WDTC1: variants seen among roughly 807,000 people sequenced by gnomAD.
WDTC1 encodes WD and tetratricopeptide repeats protein 1.
A neutral mutation model predicts 76.0 loss-of-function variants in WDTC1; 12 were observed. The ratio of observed to expected loss-of-function variants is 0.16; its 90% confidence interval spans 0.10 to 0.26. The LOEUF is 0.26. WDTC1 is among the 10% of genes least tolerant of loss of function. The pLI, the probability that WDTC1 is intolerant of heterozygous loss-of-function variation, is 1.00. For synonymous variants in WDTC1, 326 were observed against 350.8 expected (o/e 0.93, Z 0.79); for missense variants, 511 against 908.8 (o/e 0.56, Z 5.63).
rs535834414 is a variant in WDTC1 at position 27,291,240 on chromosome 1, A to G, written c.480-975A>G. ...GCATGTGCAGGATAAAGAATTCTGTAGTTATAATTGACCCACATTTAGAAA... is the reference window on the plus strand; with the variant it reads ...GCATGTGCAGGATAAAGAATTCTGTGGTTATAATTGACCCACATTTAGAAA... On this transcript the variant is annotated intron_variant, in intron 6 of 15. Transcript: ENST00000319394. Among the ~76,000 whole-genome samples, 15 of 152,334 alleles carry G rather than the reference A, an allele frequency of 9.8e-5. 1 individual carries two copies. The highest frequency in any genetic ancestry group is 2.9e-4 in the African/African-American group (12 of 41,580).
Position 27,261,002 on chromosome 1 carries a change from A to G in WDTC1, c.-53A>G. ...GGACCTGGGCTTGGCTGGAATGCTC[A>G]GGGGTCCTGAAGATCCTATTATAGC... is the stretch of plus-strand genomic sequence containing the variant. On this transcript the variant is annotated 5_prime_UTR_variant, in exon 2 of 16. Coordinates refer to ENST00000319394, the MANE Select transcript of WDTC1 (RefSeq NM_001276252.2). The G allele has an allele frequency of 6.2e-7, 1 of 1,601,120 alleles. No homozygotes were observed. Among genetic ancestry groups the G allele is most frequent in the Non-Finnish European group, 8.5e-7 (1 of 1,170,012 alleles).
chr1:27,295,448 CG>C (rs1386958361), intron 9 of WDTC1, among the ~76,000 whole-genome samples: 1 of 151,468 alleles, frequency 6.6e-6, no homozygotes, highest in African/African-American at 2.4e-5. Flanking sequence ...AAACATGTGA[CG>C]TGTTTTTTGT....
intron 1 of WDTC1, among the ~76,000 whole-genome samples, chr1:27,238,497 T>C (rs1184201042): frequency 6.6e-6 from 1 of 152,150 alleles, no homozygotes; most frequent in African/African-American, 2.4e-5. Context: ...TTTTTTTCTT[T>C]GAGACAGAGT....
At chr1:27,291,750 C>T (rs1422383935) in intron 6 of WDTC1, among the ~76,000 whole-genome samples, 6 of 152,106 alleles carry the variant, frequency 3.9e-5, no homozygotes, top group African/African-American at 9.7e-5. Context: ...TAGGTAGGAA[C>T]GGAGCAGTGT....
chr1:27,235,006 C>T (rs1319718612), intron 1 of WDTC1, 55 bp downstream of exon 1: 6 of 376,266 alleles, frequency 1.6e-5, no homozygotes, highest in African/African-American at 4.2e-5. Context: ...GGGACCGGCT[C>T]CCGCAGCCCC....
At chr1:27,288,297 C>T (rs959702242) in intron 6 of WDTC1, among the ~76,000 whole-genome samples, 3 of 152,036 alleles carry the variant, frequency 2.0e-5, no homozygotes, top group African/African-American at 4.8e-5. Context: ...CAATTATATC[C>T]TCTGTAACTC....
At chr1:27,283,844 C>G (rs1322580461) in intron 5 of WDTC1, among the ~76,000 whole-genome samples, 1 of 152,170 alleles carries the variant, frequency 6.6e-6, no homozygotes, top group African/African-American at 2.4e-5. Flanking sequence ...GAAGGAAAAT[C>G]TCCCAGATTT....
chr1:27,254,331 TCA>T (rs1491164401), intron 1 of WDTC1, among the ~76,000 whole-genome samples: 1 of 152,102 alleles, frequency 6.6e-6, no homozygotes, highest in Non-Finnish European at 1.5e-5. Context: ...GCGTGGTGGC[TCA>T]CGCCTGTAAT....
intron 1 of WDTC1, among the ~76,000 whole-genome samples, chr1:27,253,013 T>C (rs2012133293): frequency 6.8e-6 from 1 of 147,756 alleles, no homozygotes; most frequent in African/African-American, 2.5e-5. Context: ...TCTGATTTTT[T>C]TTTTTTTTTT....
chr1:27,292,197 C>T lies in WDTC1; in HGVS notation c.480-18C>T, dbSNP rs1570980080. 1.3e-6 allele frequency: 2 copies of T among 1,538,316 alleles called. No homozygotes were observed. The highest frequency in any genetic ancestry group is 5.0e-5 in the East Asian group (2 of 40,216). ...AGGACCCCAAGCCCCAATTCCCTAA[C>T]TCTGTCCTCTCTCACAGCCAGTATG... On this transcript the variant is annotated intron_variant, in intron 6 of 15. Transcript: ENST00000319394.
At chr1:27,249,855 T>C (rs2147913655) in intron 1 of WDTC1, among the ~76,000 whole-genome samples, 1 of 152,314 alleles carries the variant, frequency 6.6e-6, no homozygotes, top group South Asian at 2.1e-4. Context: ...ATTACAGGTG[T>C]GAGCCAGTGC....
At chr1:27,296,188 G>A (rs1196772971) in intron 9 of WDTC1, 138 bp from the exon 10 acceptor site, 3 of 1,038,020 alleles carry the variant, frequency 2.9e-6, no homozygotes, top group Admixed American at 1.9e-5. Context: ...GTACCTCTTA[G>A]GATAGCTTGA....
chr1:27,292,850 C>T (rs1045467842), intron 7 of WDTC1, among the ~76,000 whole-genome samples: 5 of 149,520 alleles, frequency 3.3e-5, no homozygotes, highest in African/African-American at 4.9e-5. Flanking sequence ...CAACCTCTGC[C>T]TCCCGGGTTC....
intron 3 of WDTC1, among the ~76,000 whole-genome samples, chr1:27,280,589 A>T (rs1458409920): frequency 6.6e-6 from 1 of 152,216 alleles, no homozygotes; most frequent in East Asian, 1.9e-4. Context: ...AGACTCATTC[A>T]TGCTGTTTTT....
At chr1:27,270,000 G>A (rs546479658) in intron 3 of WDTC1, among the ~76,000 whole-genome samples, 3 of 151,724 alleles carry the variant, frequency 2.0e-5, no homozygotes, top group Admixed American at 6.6e-5. Flanking sequence ...GCAGTGATGC[G>A]ATCATGGCTC....
chr1:27,263,832 C>T (rs541721402), intron 3 of WDTC1, among the ~76,000 whole-genome samples: 7 of 152,168 alleles, frequency 4.6e-5, no homozygotes, highest in South Asian at 2.1e-4. Context: ...ATTTCCTACC[C>T]GTATACAGGA....
At chr1:27,293,785 G>A (rs1253465098) in intron 7 of WDTC1, among the ~76,000 whole-genome samples, 1 of 152,152 alleles carries the variant, frequency 6.6e-6, no homozygotes, top group Admixed American at 6.5e-5. Context: ...TTGTAAAATG[G>A]GAAAAATAAG....
intron 1 of WDTC1, among the ~76,000 whole-genome samples, chr1:27,238,811 C>T (rs942176315): frequency 4.0e-5 from 6 of 151,688 alleles, no homozygotes; most frequent in East Asian, 1.9e-4. Flanking sequence ...GTGATCCGCC[C>T]GCCTCAGCCT....
Position 27,303,528 on chromosome 1 carries a change from G to A in WDTC1, c.1469-93G>A. 1.4e-6 allele frequency: 2 copies of A among 1,463,468 alleles called. No homozygotes were observed. Among genetic ancestry groups the A allele is most frequent in the Non-Finnish European group, 1.8e-6 (2 of 1,103,496 alleles). 90.7% of individuals were successfully genotyped at this position (1,463,468 alleles called of 1,614,324 possible). On this transcript the variant is annotated intron_variant, in intron 13 of 15. Transcript: ENST00000319394. The surrounding 1 kb of genome is among the most constrained non-coding windows in gnomAD (Gnocchi z 4.8). ...GGAGGCAGGTAGCTCTATGTTGTCA[G>A]ACTTTGGACTGAAAACAGAGCCATA...
Sources: gnomAD v4.1 joint callset for allele counts (sites outside exome capture counted in the v4.1 genomes callset) on GRCh38, gnomAD v4.1.1 for gene constraint, Gnocchi (gnomAD v3.1) non-coding constraint, MANE v1.5 for transcripts, NCBI Gene and HGNC (gene_info 2026-07-23, HGNC 2026-07-21) for gene names.